The following DOCK4 variants were observed in gnomAD, a reference collection of about 807,000 sequenced individuals.
DOCK4 encodes the protein dedicator of cytokinesis protein 4.
In DOCK4, 97 loss-of-function variants were observed where a neutral mutation model predicts 268.1. The ratio of observed to expected loss-of-function variants is 0.36; its 90% CI spans 0.31 to 0.43. The LOEUF (loss-of-function observed/expected upper bound fraction) is 0.43, where lower values mean the gene tolerates loss of function less well. Ranked by LOEUF, DOCK4 falls within the 20% of genes least tolerant of loss-of-function variation. The probability of loss-of-function intolerance (pLI) is 1.00; values close to 1 mark genes in which losing one functional copy is unlikely to be tolerated. For synonymous variants in DOCK4, 954 were observed against 887.2 expected, an observed-to-expected ratio of 1.08 and a Z score of -1.34; for missense variants, 2,145 against 2,455.7, an observed-to-expected ratio of 0.87 and a Z score of 2.67.
chr7:112,080,536 G>A (rs182960431), intron 1 of DOCK4, among the ~76,000 whole-genome samples: 7 of 152,204 alleles, frequency 4.6e-5, no homozygotes, highest in African/African-American at 1.7e-4. Context: ...TTCCTGACAC[G>A]TCATTTAGTC....
chr7:111,882,500 C>A (rs1176290789), intron 16 of DOCK4, among the ~76,000 whole-genome samples: 1 of 152,194 alleles, frequency 6.6e-6, no homozygotes, highest in South Asian at 2.1e-4. Flanking sequence ...CCTGTATTAA[C>A]TTTATTCTTT....
chr7:111,895,784 G>A (rs1647836031), intron 15 of DOCK4, 66 bp from the exon 16 acceptor site: 1 of 1,457,362 alleles, frequency 6.9e-7, no homozygotes, highest in South Asian at 1.1e-5. Context: ...TTGTCAAGAA[G>A]CATAATCATC....
chr7:112,095,008 A>C (rs1016355298), intron 1 of DOCK4, among the ~76,000 whole-genome samples: 1 of 152,166 alleles, frequency 6.6e-6, no homozygotes, highest in Non-Finnish European at 1.5e-5. Context: ...TTTCTTTATA[A>C]ATTACCCAGT....
At chr7:112,196,963 T>C (rs961456759) in intron 1 of DOCK4, among the ~76,000 whole-genome samples, 1 of 152,150 alleles carries the variant, frequency 6.6e-6, no homozygotes, top group African/African-American at 2.4e-5. Context: ...ATTTCAAGTA[T>C]ACATTATTGT....
chr7:112,182,854 T>G (rs906646150), intron 1 of DOCK4, among the ~76,000 whole-genome samples: 2 of 152,228 alleles, frequency 1.3e-5, no homozygotes, highest in Non-Finnish European at 2.9e-5. Flanking sequence ...CCTCTGGAGC[T>G]GTGCAACAGG....
intron 15 of DOCK4, 85 bp downstream of exon 15, chr7:111,900,289 G>T: frequency 6.9e-7 from 1 of 1,448,630 alleles, no homozygotes; most frequent in South Asian, 1.4e-5. Context: ...ATCAACTTAA[G>T]ATCAACCCAC....
intron 26 of DOCK4, among the ~76,000 whole-genome samples, chr7:111,824,666 A>T (rs1357826545): frequency 2.6e-5 from 4 of 152,134 alleles, no homozygotes; most frequent in African/African-American, 9.7e-5. Context: ...GAGGCAAAAC[A>T]TCTATCTTAC....
At chr7:111,895,180 T>G (rs1327956821) in intron 16 of DOCK4, among the ~76,000 whole-genome samples, 2 of 152,232 alleles carry the variant, frequency 1.3e-5, no homozygotes, top group African/African-American at 4.8e-5. Flanking sequence ...AAAGTTGTCA[T>G]GATGAAATAC....
At chr7:111,822,295 G>T (rs1035373845) in intron 27 of DOCK4, 67 bp downstream of exon 27, 28 of 1,333,982 alleles carry the variant, frequency 2.1e-5, no homozygotes, top group African/African-American at 3.0e-5. Context: ...AAATGAAAAA[G>T]ATAATTTTGT....
At chr7:112,069,755 T>A (rs1470906250) in intron 1 of DOCK4, among the ~76,000 whole-genome samples, 1 of 151,864 alleles carries the variant, frequency 6.6e-6, no homozygotes, top group Non-Finnish European at 1.5e-5. Context: ...AAATAGAAAA[T>A]GTCTCTCCAT....
intron 16 of DOCK4, among the ~76,000 whole-genome samples, chr7:111,880,643 T>G (rs1807303426): frequency 6.6e-6 from 1 of 152,054 alleles, no homozygotes; most frequent in Non-Finnish European, 1.5e-5. Flanking sequence ...AGAACAAAAC[T>G]GGAGGAATCA....
chr7:111,739,834 T>C (rs1389818837), intron 47 of DOCK4: 1 of 345,142 alleles, frequency 2.9e-6, no homozygotes, highest in East Asian at 7.7e-5. Flanking sequence ...TTGTTATCTG[T>C]ACAAGTATGT....
At chr7:112,028,110 C>T (rs897153509) in intron 1 of DOCK4, among the ~76,000 whole-genome samples, 1 of 152,106 alleles carries the variant, frequency 6.6e-6, no homozygotes, top group African/African-American at 2.4e-5. Flanking sequence ...GAACAGCAAG[C>T]CATCTAGGGA....
rs180734560 is a variant in DOCK4 at position 111,988,471 on chromosome 7, G to C, written c.464+544C>G. On this transcript the variant is annotated intron_variant, in intron 6 of 52. Coordinates refer to ENST00000428084, the MANE Select transcript of DOCK4 (RefSeq NM_001363540.2). ...TTGTTTAAAAATAAATCTCGGTCAA[G>C]AACAGCTTTTTACTGAGTTCTCTCA... Among the ~76,000 whole-genome samples the C allele has an allele frequency of 3.7e-4, 57 of 152,228 alleles. 1 individual carries two copies. In the East Asian group the frequency reaches 0.01, roughly 27 times the overall value.
At chr7:111,906,200 C>T (rs1039924964) in intron 13 of DOCK4, among the ~76,000 whole-genome samples, 2 of 152,080 alleles carry the variant, frequency 1.3e-5, no homozygotes, top group East Asian at 3.9e-4. Flanking sequence ...TCCTGTGTTG[C>T]TTTGCATTTC....
At chr7:111,827,681 T>C (rs1265178550) in intron 26 of DOCK4, among the ~76,000 whole-genome samples, 1 of 152,128 alleles carries the variant, frequency 6.6e-6, no homozygotes, top group African/African-American at 2.4e-5. Context: ...TTCAGAGGAA[T>C]TAAAAATTAT....
chr7:111,975,199 G>A (rs1235446761), intron 8 of DOCK4, among the ~76,000 whole-genome samples: 2 of 152,194 alleles, frequency 1.3e-5, no homozygotes, highest in African/African-American at 4.8e-5. Flanking sequence ...CCCAGAAGGT[G>A]GAGGTTGCAG....
At chr7:112,133,497 C>T (rs769217737) in intron 1 of DOCK4, among the ~76,000 whole-genome samples, 1 of 152,170 alleles carries the variant, frequency 6.6e-6, no homozygotes, top group Non-Finnish European at 1.5e-5. Flanking sequence ...TTTGGCAGGC[C>T]GAGGCGGGTG....
At chr7:111,939,891 T>A (rs1795065125) in intron 11 of DOCK4, among the ~76,000 whole-genome samples, 1 of 152,226 alleles carries the variant, frequency 6.6e-6, no homozygotes, top group African/African-American at 2.4e-5. Context: ...ACTGGTAAAC[T>A]GTCTGTACTC....
Sources: gnomAD v4.1 joint callset for allele counts (sites outside exome capture counted in the v4.1 genomes callset) on GRCh38, gnomAD v4.1.1 for gene constraint, MANE v1.5 for transcripts, NCBI Gene and HGNC (gene_info 2026-07-23, HGNC 2026-07-21) for gene names.